The following ETV6 variants were observed in gnomAD, a reference collection of about 807,000 sequenced individuals.
The protein encoded by ETV6 is transcription factor ETV6.
ETV6 carries 16 observed loss-of-function variants against 51.1 expected under a neutral mutation model. That is an observed-to-expected ratio of 0.31 (90% CI 0.21 to 0.48). The LOEUF is 0.48. Among genes scored for constraint, ETV6 ranks in the 20% least tolerant of loss-of-function variants. ETV6 has a pLI of 0.99. For missense variants in ETV6, 458 were observed against 594.8 expected, an observed-to-expected ratio of 0.77 and a Z score of 2.39; for synonymous variants, 240 against 224.1, an observed-to-expected ratio of 1.07 and a Z score of -0.64.
chr12:11,819,033 ACAGT>A (rs368705838), intron 2 of ETV6, among the ~76,000 whole-genome samples: 2 of 151,986 alleles, frequency 1.3e-5, no homozygotes, highest in South Asian at 4.2e-4. Context: ...CCCCTCCTTC[ACAGT>A]CAGCCTCTTT....
chr12:11,671,007 A>T (rs3020922), intron 1 of ETV6, among the ~76,000 whole-genome samples: 139,103 of 152,176 alleles, frequency 0.91, 64,474 homozygotes, highest in Non-Finnish European at 0.99. Context: ...GTCCTGCCCC[A>T]AAAAAGTGAT....
intron 1 of ETV6, among the ~76,000 whole-genome samples, chr12:11,655,692 ATTTG>A (rs1863987020): frequency 6.6e-6 from 1 of 152,184 alleles, no homozygotes; most frequent in Non-Finnish European, 1.5e-5. Flanking sequence ...TGCTCTGTTA[ATTTG>A]TTTGATAACC....
At chr12:11,707,789 G>T (rs1253190756) in intron 1 of ETV6, among the ~76,000 whole-genome samples, 3 of 152,180 alleles carry the variant, frequency 2.0e-5, no homozygotes, top group Non-Finnish European at 4.4e-5. Flanking sequence ...CCATGGAGTG[G>T]TGATCCCTGG....
intron 1 of ETV6, among the ~76,000 whole-genome samples, chr12:11,725,042 C>T (rs1865462771): frequency 6.6e-6 from 1 of 152,128 alleles, no homozygotes; most frequent in African/African-American, 2.4e-5. Context: ...ACGGCCACCC[C>T]ACTTCCCTGC....
rs1360409225 is a variant in ETV6, at chr12:11,884,317, A to AAGTT, written c.1010-121_1010-118dup. 4.9e-6 allele frequency: 5 copies of AAGTT among 1,027,238 alleles called. No homozygotes were observed. The Admixed American group carries it at 7.8e-5, about 16-fold the overall frequency. 63.6% of individuals were successfully genotyped at this position (1,027,238 alleles called of 1,614,324 possible). A position where few individuals can be genotyped will look rare whatever the true frequency, so the allele number is the denominator to read the frequency against. On this transcript the variant is annotated intron_variant, in intron 5 of 7. Transcript: ENST00000396373. ...TCCGTTTCTTCCCGGTAAAACAAGG[A>AAGTT]AGTTAGTTAGACAATCAGTCAACCC...
chr12:11,666,704 A>G (rs996542338), intron 1 of ETV6, among the ~76,000 whole-genome samples: 12 of 152,206 alleles, frequency 7.9e-5, no homozygotes, highest in African/African-American at 2.9e-4. Context: ...GCATTAGGAT[A>G]TGTGAAAACT....
At chr12:11,688,828 A>G (rs1365107995) in intron 1 of ETV6, among the ~76,000 whole-genome samples, 1 of 152,218 alleles carries the variant, frequency 6.6e-6, no homozygotes, top group Non-Finnish European at 1.5e-5. Context: ...TGGTCAGGAC[A>G]TCATATGTTT....
At chr12:11,844,823 T>C (rs1946437609) in intron 3 of ETV6, among the ~76,000 whole-genome samples, 1 of 150,964 alleles carries the variant, frequency 6.6e-6, no homozygotes, top group Admixed American at 6.6e-5. Flanking sequence ...TACGTGAAAG[T>C]CATTTTATTT....
intron 1 of ETV6, among the ~76,000 whole-genome samples, chr12:11,680,638 G>A (rs567650975): frequency 5.3e-5 from 8 of 152,308 alleles, no homozygotes; most frequent in Non-Finnish European, 1.2e-4. Context: ...ATGATGAACT[G>A]TCCCTATTTC....
At chr12:11,847,273 A>G (rs945361873) in intron 3 of ETV6, among the ~76,000 whole-genome samples, 1 of 152,262 alleles carries the variant, frequency 6.6e-6, no homozygotes, top group Non-Finnish European at 1.5e-5. Context: ...CCTAAGAAAC[A>G]CCATCTCATC....
intron 2 of ETV6, among the ~76,000 whole-genome samples, chr12:11,802,515 C>T (rs944047065): frequency 3.3e-5 from 5 of 152,198 alleles, no homozygotes; most frequent in Middle Eastern, 3.2e-3. Flanking sequence ...TTATTTTCAG[C>T]TCTCACTTAT....
intron 2 of ETV6, among the ~76,000 whole-genome samples, chr12:11,753,867 C>G (rs928948916): frequency 5.3e-5 from 8 of 152,208 alleles, no homozygotes; most frequent in Non-Finnish European, 1.2e-4. Context: ...CTACTATGGT[C>G]AAGACATTTC....
At chr12:11,754,079 A>G (rs192428960) in intron 2 of ETV6, among the ~76,000 whole-genome samples, 4 of 152,376 alleles carry the variant, frequency 2.6e-5, no homozygotes, top group African/African-American at 9.6e-5. Context: ...ATTTTCCTCC[A>G]GAAGTCATCC....
chr12:11,756,439 G>A (rs907626486), intron 2 of ETV6, among the ~76,000 whole-genome samples: 1 of 152,030 alleles, frequency 6.6e-6, no homozygotes, highest in Non-Finnish European at 1.5e-5. Flanking sequence ...TGAAGCTTGA[G>A]GGTAGAAGAG....
chr12:11,853,602 C>A (rs754258181), intron 4 of ETV6, 41 bp downstream of exon 4: 8 of 1,605,970 alleles, frequency 5.0e-6, no homozygotes, highest in African/African-American at 1.3e-5. Flanking sequence ...GAGGTTTAGA[C>A]AAATCCAGGA....
At chr12:11,879,782 A>C (rs1283570150) in intron 5 of ETV6, among the ~76,000 whole-genome samples, 4 of 152,226 alleles carry the variant, frequency 2.6e-5, no homozygotes, top group Non-Finnish European at 5.9e-5. Context: ...ATATACGTTC[A>C]GGTGTTTTGA....
chr12:11,892,031 G>A lies in ETV6; in HGVS notation c.*985G>A, dbSNP rs949913655. The A allele has an allele frequency of 3.0e-5, 7 of 231,212 alleles. No individual in the cohort carries two copies. Among genetic ancestry groups the A allele is most frequent in the East Asian group, 1.8e-4 (3 of 16,562 alleles). 14.3% of individuals were successfully genotyped at this position (231,212 alleles called of 1,614,324 possible). A position where few individuals can be genotyped will look rare whatever the true frequency, so the allele number is the denominator to read the frequency against. ...CTTGGGATTAGCTTGGGAGCGCAGC[G>A]CTGCAAAGTGGAAAATATGAAAAGA... is the stretch of plus-strand genomic sequence containing the variant. On this transcript the variant is annotated 3_prime_UTR_variant, in exon 8 of 8. Transcript: ENST00000396373.
At chr12:11,845,866 C>T (rs1393662631) in intron 3 of ETV6, among the ~76,000 whole-genome samples, 1 of 152,032 alleles carries the variant, frequency 6.6e-6, no homozygotes, top group Non-Finnish European at 1.5e-5. Context: ...GTGGCACGCA[C>T]CTGTATTCCC....
intron 2 of ETV6, among the ~76,000 whole-genome samples, chr12:11,817,462 A>AT (rs1332558448): frequency 2.0e-5 from 3 of 152,224 alleles, no homozygotes; most frequent in Admixed American, 1.3e-4. Flanking sequence ...TTAGGAAGAA[A>AT]TAAGAACCAA....
Sources: gnomAD v4.1 joint callset for allele counts (sites outside exome capture counted in the v4.1 genomes callset) on GRCh38, gnomAD v4.1.1 for gene constraint, MANE v1.5 for transcripts, NCBI Gene and HGNC (gene_info 2026-07-23, HGNC 2026-07-21) for gene names.